Variants in PRKAA2 observed in about 807,000 individuals in gnomAD.
PRKAA2 encodes the protein 5'-AMP-activated protein kinase catalytic subunit alpha-2.
A neutral mutation model predicts 56.3 loss-of-function variants in PRKAA2; 40 were observed. The observed-to-expected ratio is 0.71, with a 90% CI of 0.55 to 0.92. PRKAA2 has a LOEUF of 0.92. Ranked by LOEUF, PRKAA2 falls within the 40% of genes least tolerant of loss-of-function variation. PRKAA2 has a pLI of 0.00. For missense variants in PRKAA2, 542 were observed against 686.9 expected (o/e 0.79, Z 2.36); for synonymous variants, 214 against 234.2 (o/e 0.91, Z 0.79).
chr1:56,691,569 T>C, intron 3 of PRKAA2, 82 bp downstream of exon 3: 1 of 1,104,018 alleles, frequency 9.1e-7, no homozygotes, highest in Non-Finnish European at 1.3e-6. Flanking sequence ...TGCAAAGATA[T>C]CTTCAAGGTT....
At chr1:56,658,208 T>C (rs1407198540) in intron 1 of PRKAA2, among the ~76,000 whole-genome samples, 1 of 152,186 alleles carries the variant, frequency 6.6e-6, no homozygotes, top group Non-Finnish European at 1.5e-5. Flanking sequence ...GAGAGAATTC[T>C]AGATCATTCC....
In PRKAA2 at chr1:56,714,452, A is replaced by G. The variant is rs916335116; in HGVS notation, c.*6739A>G. On this transcript the variant is annotated 3_prime_UTR_variant, in exon 9 of 9. Coordinates refer to ENST00000371244, the MANE Select transcript of PRKAA2 (RefSeq NM_006252.4). Reference sequence around the variant, plus strand: ...AATAAGTATCTTTGATACTGATAGGATGAGTATCTTGATTTTTAGGTAAGA... The same window carrying G: ...AATAAGTATCTTTGATACTGATAGGGTGAGTATCTTGATTTTTAGGTAAGA... 1 of 152,110 alleles carries G rather than the reference A, an allele frequency of 6.6e-6. No homozygotes were observed. Among genetic ancestry groups the G allele is most frequent in the Non-Finnish European group, 1.5e-5 (1 of 67,986 alleles). The allele number at this position is 152,110 out of a possible 1,614,324, so 9.4% of individuals were successfully genotyped here. A position where few individuals can be genotyped will look rare whatever the true frequency, so the allele number is the denominator to read the frequency against.
In PRKAA2 at chr1:56,712,469, ATT is replaced by A. The variant is rs2100446892; in HGVS notation, c.*4757_*4758del. The A allele has an allele frequency of 6.6e-6, 1 of 152,282 alleles. No individual in the cohort carries two copies. The highest frequency in any genetic ancestry group is 1.9e-4 in the East Asian group (1 of 5,176). 9.4% of individuals were successfully genotyped at this position (152,282 alleles called of 1,614,324 possible). A position where few individuals can be genotyped will look rare whatever the true frequency, so the allele number is the denominator to read the frequency against. On this transcript the variant is annotated 3_prime_UTR_variant, in exon 9 of 9. Coordinates refer to ENST00000371244, the MANE Select transcript of PRKAA2 (RefSeq NM_006252.4). ...TGGTTTTTATAAGTATTTCTGAGTT[ATT>A]GAGGGTGCTTAAAAATGCTGAAGAA...
chr1:56,696,186 G>A, intron 6 of PRKAA2, 27 bp downstream of exon 6: 1 of 1,562,656 alleles, frequency 6.4e-7, no homozygotes, highest in Non-Finnish European at 8.8e-7. Context: ...TTTCTGTTCT[G>A]CATATTTTCT....
chr1:56,707,467 C>T lies in PRKAA2; in HGVS notation c.1421-8C>T. 1.9e-6 allele frequency: 3 copies of T among 1,611,986 alleles called. No individual in the cohort carries two copies. Among genetic ancestry groups the T allele is most frequent in the Non-Finnish European group, 2.5e-6 (3 of 1,178,258 alleles). ...CCATATAAATTGCTCTTCTTTGGTC[C>T]ATTTCAGATGAAGTAGTGGAGCAGA... On this transcript the variant is annotated splice_region_variant and splice_polypyrimidine_tract_variant and intron_variant, in intron 8 of 8. Transcript: ENST00000371244.
chr1:56,707,701 T>G lies in PRKAA2; in HGVS notation c.1647T>G (p.Thr549=). The change falls in exon 9 of 9, where the codon ACT becomes ACG. Residue 549 remains threonine (T), a synonymous_variant. Transcript: ENST00000371244. ...FFEMCASLIT[T]LAR is the part of the protein sequence containing the mutation. ...AAATGTGTGCCAGTCTGATTACTAC[T>G]TTAGCCCGTTGATCTGTCTCTAGTT... 6.3e-7 allele frequency: 1 copy of G among 1,592,364 alleles called. No homozygotes were observed. The highest frequency in any genetic ancestry group is 1.1e-5 in the South Asian group (1 of 90,610).
intron 1 of PRKAA2, among the ~76,000 whole-genome samples, chr1:56,672,792 G>A (rs1644087228): frequency 6.6e-6 from 1 of 152,136 alleles, no homozygotes; most frequent in Admixed American, 6.6e-5. Context: ...AGTGGAGGTG[G>A]AAACCAGATA....
In PRKAA2 at chr1:56,693,832, A is replaced by G. The variant is rs1426031012; in HGVS notation, c.543A>G (p.Ala181=). The change falls in exon 5 of 9, where the codon GCA becomes GCG. Residue 181 remains alanine, a synonymous_variant. Coordinates refer to ENST00000371244, the MANE Select transcript of PRKAA2 (RefSeq NM_006252.4). The part of the protein sequence containing the change: ...RTSCGSPNYA[A]PEVISGRLYA... ...GTTGCGGATCTCCAAATTATGCAGC[A>G]CCTGAAGTCATCTCAGGCAGGTAAT... The G allele has an allele frequency of 1.9e-6, 3 of 1,594,810 alleles. No individual in the cohort carries two copies. The highest frequency in any genetic ancestry group is 4.5e-5 in the East Asian group (2 of 44,550).
chr1:56,645,496 C>T lies in PRKAA2; in HGVS notation c.94+15C>T. On this transcript the variant is annotated intron_variant, in intron 1 of 8. Transcript: ENST00000371244. ...CAAAGTGAAGAGTTGAGTACGCGCT[C>T]CGGACCGCTGTGCGGGGCTGCCTGA... The T allele has an allele frequency of 6.8e-7, 1 of 1,464,862 alleles. No homozygotes were observed. The highest frequency in any genetic ancestry group is 1.3e-5 in the South Asian group (1 of 79,994). The allele number at this position is 1,464,862 out of a possible 1,614,324, so 90.7% of individuals were successfully genotyped here.
At chr1:56,661,776 A>G (rs1186586751) in intron 1 of PRKAA2, among the ~76,000 whole-genome samples, 1 of 151,906 alleles carries the variant, frequency 6.6e-6, no homozygotes, top group Non-Finnish European at 1.5e-5. Flanking sequence ...TTTTTCAGGT[A>G]TCTACCATGG....
chr1:56,692,613 G>A, intron 4 of PRKAA2, 111 bp downstream of exon 4: 2 of 1,087,640 alleles, frequency 1.8e-6, no homozygotes, highest in Non-Finnish European at 1.3e-6. Context: ...ACCATGAAAA[G>A]GAATTAGCTG....
At chr1:56,655,115 C>T (rs951121417) in intron 1 of PRKAA2, among the ~76,000 whole-genome samples, 1 of 150,258 alleles carries the variant, frequency 6.7e-6, no homozygotes, top group Non-Finnish European at 1.5e-5. Flanking sequence ...AACTGACTGT[C>T]ATAAAACAAT....
At chr1:56,659,147 G>A (rs777106302) in intron 1 of PRKAA2, among the ~76,000 whole-genome samples, 1 of 151,466 alleles carries the variant, frequency 6.6e-6, no homozygotes, top group Non-Finnish European at 1.5e-5. Context: ...AAATGATGAT[G>A]TAAAAATAAA....
chr1:56,680,041 G>T (rs1406384954), intron 2 of PRKAA2, among the ~76,000 whole-genome samples: 1 of 152,092 alleles, frequency 6.6e-6, no homozygotes, highest in Non-Finnish European at 1.5e-5. Flanking sequence ...AATTATTTCT[G>T]TTATCTGTAA....
intron 1 of PRKAA2, among the ~76,000 whole-genome samples, chr1:56,658,993 G>A (rs1366300107): frequency 2.0e-5 from 3 of 149,814 alleles, no homozygotes; most frequent in Non-Finnish European, 4.4e-5. Context: ...TGTAGAGATG[G>A]GGTCTTCCTA....
chr1:56,693,487 T>C (rs1644241279), intron 4 of PRKAA2, among the ~76,000 whole-genome samples: 1 of 152,174 alleles, frequency 6.6e-6, no homozygotes, highest in Non-Finnish European at 1.5e-5. Flanking sequence ...AAAGTTAATA[T>C]GCTTCAGAAT....
chr1:56,648,098 T>G (rs1295992652), intron 1 of PRKAA2, among the ~76,000 whole-genome samples: 3 of 152,080 alleles, frequency 2.0e-5, no homozygotes, highest in African/African-American at 7.2e-5. Flanking sequence ...ATTCATCCAT[T>G]CTAAGTGTAC....
chr1:56,711,442 C>T lies in PRKAA2; in HGVS notation c.*3729C>T, dbSNP rs566079625. 6.6e-6 allele frequency: 1 copy of T among 152,298 alleles called. No individual in the cohort carries two copies. The highest frequency in any genetic ancestry group is 6.5e-5 in the Admixed American group (1 of 15,288). The allele number at this position is 152,298 out of a possible 1,614,324, so 9.4% of individuals were successfully genotyped here. A position where few individuals can be genotyped will look rare whatever the true frequency, so the allele number is the denominator to read the frequency against. On this transcript the variant is annotated 3_prime_UTR_variant, in exon 9 of 9. Transcript: ENST00000371244. ...GTAAAAACCTGGAACATGCCTGCCA[C>T]AGACACCACTTTGTCTATTCACCGG...
intron 1 of PRKAA2, among the ~76,000 whole-genome samples, chr1:56,672,445 T>G (rs1644084199): frequency 6.6e-6 from 1 of 152,156 alleles, no homozygotes; most frequent in Non-Finnish European, 1.5e-5. Flanking sequence ...TGTGTTGAAC[T>G]TGAGTTATTT....
Sources: allele counts gnomAD v4.1 joint callset (sites outside exome capture counted in the v4.1 genomes callset), GRCh38; gene constraint gnomAD v4.1.1; transcripts MANE v1.5; gene names NCBI Gene and HGNC (gene_info 2026-07-23, HGNC 2026-07-21).